SPSB1: variants seen among roughly 807,000 people sequenced by gnomAD.
SPSB1 encodes the protein splA/ryanodine receptor domain and SOCS box containing 1, also known as SPRY domain-containing SOCS box protein 1.
In SPSB1, 8 loss-of-function variants were observed where a neutral mutation model predicts 21.2. That is an observed-to-expected ratio of 0.38 (90% CI 0.22 to 0.68). The LOEUF is 0.68. Ranked by LOEUF, SPSB1 falls within the 30% of genes least tolerant of loss-of-function variation. The pLI, the probability that SPSB1 is intolerant of heterozygous loss-of-function variation, is 0.53. For missense variants in SPSB1, 242 were observed against 377.8 expected (o/e 0.64, Z 2.98); for synonymous variants, 169 against 161.7 (o/e 1.05, Z -0.34).
At position 9,345,313 on chromosome 1, in the gene SPSB1, G is replaced by A. The variant is rs142050992; in HGVS notation, c.-149-10430G>A. The stretch of plus-strand genomic sequence containing the variant: ...GTTGGTGGCTCTTTTCTTGGAGATG[G>A]CCGTGGGGCTGCTTTTGGGCCTGCC... On this transcript the variant is annotated intron_variant, in intron 1 of 2. Transcript: ENST00000328089. The surrounding 1 kb of genome is among the most constrained non-coding windows in gnomAD (Gnocchi z 4.8). Among the ~76,000 whole-genome samples, 2 of 152,170 alleles carry A rather than the reference G, an allele frequency of 1.3e-5. No homozygotes were observed. The highest frequency in any genetic ancestry group is 1.3e-4 in the Admixed American group (2 of 15,288).
rs531033325 is a variant in SPSB1, at chr1:9,356,996, G to T, written c.694+411G>T. On this transcript the variant is annotated intron_variant, in intron 2 of 2. Coordinates refer to ENST00000328089, the MANE Select transcript of SPSB1 (RefSeq NM_025106.4). This position sits in a 1 kb window ranked among gnomAD's most constrained non-coding sequence, Gnocchi z 7.4. Reference sequence around the variant, plus strand: ...GATGTGGGTGGATGGGTGGGTAGGGGGTGGATGAGTGTTTAGATTGATGGA... The same window carrying T: ...GATGTGGGTGGATGGGTGGGTAGGGTGTGGATGAGTGTTTAGATTGATGGA... 3.9e-4 allele frequency among the ~76,000 whole-genome samples: 60 copies of T among 152,264 alleles called. No homozygotes were observed. Among genetic ancestry groups the T allele is most frequent in the South Asian group, 8.3e-4 (4 of 4,826 alleles).
In SPSB1 at chr1:9,356,581, C is replaced by G; in HGVS notation, c.690C>G (p.Leu230=). Residue 230 remains leucine, a synonymous_variant, in exon 2 of 3, where the codon CTC becomes CTG. Coordinates refer to ENST00000328089, the MANE Select transcript of SPSB1 (RefSeq NM_025106.4). This position sits in a 1 kb window ranked among gnomAD's most constrained non-coding sequence, Gnocchi z 7.4. ...TCCGAATGCGCTACTTGAACGGACTCGATCGTAAGTGTCTCCTCTGCTGTC... is the reference window on the plus strand; with the variant it reads ...TCCGAATGCGCTACTTGAACGGACTGGATCGTAAGTGTCTCCTCTGCTGTC... ...CEIRMRYLNG[L]DPEPLPLMDL... The G allele has an allele frequency of 6.3e-7, 1 of 1,585,298 alleles. No individual in the cohort carries two copies. Among genetic ancestry groups the G allele is most frequent in the South Asian group, 1.1e-5 (1 of 87,144 alleles).
intron 2 of SPSB1, among the ~76,000 whole-genome samples, chr1:9,360,941 C>A (rs1431704380): frequency 6.6e-6 from 1 of 152,112 alleles, no homozygotes; most frequent in Non-Finnish European, 1.5e-5. Flanking sequence ...AAGATGAGCC[C>A]GGAGCTCCAT....
At chr1:9,359,710 A>AAAG (rs1445069811) in intron 2 of SPSB1, among the ~76,000 whole-genome samples, 6 of 150,896 alleles carry the variant, frequency 4.0e-5, no homozygotes, top group African/African-American at 1.5e-4. Context: ...TCTGGGAAAA[A>AAAG]AAAAAAAAAA....
intron 1 of SPSB1, among the ~76,000 whole-genome samples, chr1:9,314,502 G>A (rs867458878): frequency 1.2e-4 from 18 of 152,310 alleles, no homozygotes; most frequent in African/African-American, 3.4e-4. Flanking sequence ...CAACAAGGCC[G>A]TTCATCACCA....
Position 9,344,482 on chromosome 1 carries a change from C to T in SPSB1, c.-149-11261C>T, listed in dbSNP as rs1640139733. 2.0e-5 allele frequency among the ~76,000 whole-genome samples: 3 copies of T among 152,158 alleles called. No homozygotes were observed. The South Asian group carries it at 6.2e-4, about 31-fold the overall frequency. On this transcript the variant is annotated intron_variant, in intron 1 of 2. Transcript: ENST00000328089. ...CTGTGAGTTGTAGGGCCAGCACCTG[C>T]CATGGCATTCCCTGGCTGAGCGCTC...
At chr1:9,364,882 G>T (rs1640541580) in intron 2 of SPSB1, among the ~76,000 whole-genome samples, 1 of 151,716 alleles carries the variant, frequency 6.6e-6, no homozygotes, top group African/African-American at 2.4e-5. Context: ...ACAGAGTCTT[G>T]CTCCGTCACC....
chr1:9,317,549 C>T lies in SPSB1; in HGVS notation c.-150+24478C>T, dbSNP rs760057243. Among the ~76,000 whole-genome samples the T allele has an allele frequency of 3.9e-5, 6 of 152,152 alleles. No individual in the cohort carries two copies. The highest frequency in any genetic ancestry group is 9.7e-5 in the African/African-American group (4 of 41,434). ...CCCAGGCTGGGGACAAAGCTCACTG[C>T]GGCTTCTGCCTCCCAGGCTCGGGGA... On this transcript the variant is annotated intron_variant, in intron 1 of 2. Coordinates refer to ENST00000328089, the MANE Select transcript of SPSB1 (RefSeq NM_025106.4). The surrounding 1 kb of genome is among the most constrained non-coding windows in gnomAD (Gnocchi z 4.3).
intron 1 of SPSB1, among the ~76,000 whole-genome samples, chr1:9,309,287 A>AGAGAGAGAGTGT (rs1206353842): frequency 1.0e-4 from 11 of 104,908 alleles, no homozygotes; most frequent in Non-Finnish European, 2.0e-5. Context: ...AGAGTGTGAG[A>AGAGAGAGAGTGT]GAGAGAGAGA....
intron 1 of SPSB1, among the ~76,000 whole-genome samples, chr1:9,313,995 G>A (rs551983999): frequency 1.3e-5 from 2 of 152,266 alleles, no homozygotes; most frequent in South Asian, 4.1e-4. Context: ...GGCCAACATG[G>A]TGAAATCCCT....
chr1:9,310,479 G>A (rs1246032490), intron 1 of SPSB1, among the ~76,000 whole-genome samples: 1 of 152,104 alleles, frequency 6.6e-6, no homozygotes, highest in East Asian at 1.9e-4. Context: ...GATCACTTGA[G>A]GCCTGGAGTT....
rs757868375 is a variant in SPSB1, at chr1:9,367,402, A to G, written c.695-46A>G. The G allele has an allele frequency of 1.9e-6, 3 of 1,612,120 alleles. No individual in the cohort carries two copies. The highest frequency in any genetic ancestry group is 2.5e-6 in the Non-Finnish European group (3 of 1,179,894). ...TGCTGTGGTTAGCGCTGTTTGCTGA[A>G]CACCCACCCAAGCTGCGCTGACCTG... On this transcript the variant is annotated intron_variant, in intron 2 of 2. Coordinates refer to ENST00000328089, the MANE Select transcript of SPSB1 (RefSeq NM_025106.4). The surrounding 1 kb of genome is among the most constrained non-coding windows in gnomAD (Gnocchi z 5.9).
intron 1 of SPSB1, among the ~76,000 whole-genome samples, chr1:9,316,916 C>T (rs943549545): frequency 7.9e-5 from 12 of 152,100 alleles, no homozygotes; most frequent in African/African-American, 1.4e-4. Context: ...AGAGTGCCCC[C>T]GGGTAGAGGG....
Position 9,304,832 on chromosome 1 carries a change from C to T in SPSB1, c.-150+11761C>T, listed in dbSNP as rs186453702. Among the ~76,000 whole-genome samples the T allele has an allele frequency of 5.9e-5, 9 of 152,244 alleles. No individual in the cohort carries two copies. The East Asian group carries it at 1.7e-3, about 29-fold the overall frequency. On this transcript the variant is annotated intron_variant, in intron 1 of 2. Transcript: ENST00000328089. ...GGACTATCGGTGCACACCACCACCCCCAGCTAATTTTTAAATTTCTCACAA... is the reference window on the plus strand; with the variant it reads ...GGACTATCGGTGCACACCACCACCCTCAGCTAATTTTTAAATTTCTCACAA...
Position 9,294,483 on chromosome 1 carries a change from A to C in SPSB1, c.-150+1412A>C, listed in dbSNP as rs1226015148. The C allele has an allele frequency of 2.0e-5, 3 of 152,284 alleles. No homozygotes were observed. The East Asian group carries it at 5.8e-4, about 29-fold the overall frequency. 9.4% of individuals were successfully genotyped at this position (152,284 alleles called of 1,614,324 possible). Reference sequence around the variant, plus strand: ...GGGCATGCTGGGCCACAGACACCCCACTAGGCAAGCCCTGCTGGTGCCCCC... The same window carrying C: ...GGGCATGCTGGGCCACAGACACCCCCCTAGGCAAGCCCTGCTGGTGCCCCC... On this transcript the variant is annotated intron_variant, in intron 1 of 2. Coordinates refer to ENST00000328089, the MANE Select transcript of SPSB1 (RefSeq NM_025106.4).
intron 1 of SPSB1, among the ~76,000 whole-genome samples, chr1:9,327,200 A>G (rs2100489203): frequency 6.6e-6 from 1 of 152,226 alleles, no homozygotes; most frequent in Non-Finnish European, 1.5e-5. Flanking sequence ...CACTCATACG[A>G]TGATCCCCCT....
intron 1 of SPSB1, among the ~76,000 whole-genome samples, chr1:9,318,716 C>T (rs1639654346): frequency 6.6e-6 from 1 of 152,230 alleles, no homozygotes; most frequent in South Asian, 2.1e-4. Flanking sequence ...TCTGTCCATT[C>T]AGCAATTCGG....
intron 1 of SPSB1, among the ~76,000 whole-genome samples, chr1:9,302,564 A>T (rs1253961072): frequency 6.6e-6 from 1 of 152,090 alleles, no homozygotes; most frequent in Non-Finnish European, 1.5e-5. Flanking sequence ...CTGCGCTTGG[A>T]TGTCAGAACT....
chr1:9,331,065 T>C (rs752030541), intron 1 of SPSB1, among the ~76,000 whole-genome samples: 2 of 152,200 alleles, frequency 1.3e-5, no homozygotes, highest in Non-Finnish European at 2.9e-5. Flanking sequence ...ATTATTTTAT[T>C]AGAATGGGCT....
Sources: allele counts gnomAD v4.1 joint callset (sites outside exome capture counted in the v4.1 genomes callset), GRCh38; gene constraint gnomAD v4.1.1; non-coding constraint Gnocchi (gnomAD v3.1); transcripts MANE v1.5; gene names NCBI Gene and HGNC (gene_info 2026-07-23, HGNC 2026-07-21).